RBM33: variants seen among roughly 807,000 people sequenced by gnomAD.
RBM33 encodes the protein RNA binding motif protein 33, also known as RNA-binding protein 33.
In RBM33, 28 loss-of-function variants were observed where a neutral mutation model predicts 132.6. That is an observed-to-expected ratio of 0.21 (90% CI 0.16 to 0.29). The LOEUF is 0.29. RBM33 is among the 10% of genes least tolerant of loss of function. The pLI is 1.00. For missense variants in RBM33, 1,291 were observed against 1,518.5 expected (o/e 0.85, Z 2.49); for synonymous variants, 634 against 593.0 (o/e 1.07, Z -1.01).
chr7:155,659,624 C>T (rs1205328753), intron 1 of RBM33, among the ~76,000 whole-genome samples: 1 of 152,102 alleles, frequency 6.6e-6, no homozygotes, highest in Non-Finnish European at 1.5e-5. Flanking sequence ...CTTATATACA[C>T]ATAGGAGACC....
chr7:155,714,144 G>A (rs1440411870), intron 8 of RBM33, among the ~76,000 whole-genome samples: 4 of 152,104 alleles, frequency 2.6e-5, no homozygotes, highest in South Asian at 2.1e-4. Flanking sequence ...GGTGAGGGCA[G>A]TCAGCATGGT....
chr7:155,741,998 C>T lies in RBM33; in HGVS notation c.2229C>T (p.Pro743=). The change falls in exon 13 of 18, where the codon CCC becomes CCT. Residue 743 remains proline (P), a synonymous_variant. Transcript: ENST00000401878. ...QVKPIVSASP[P]SRAVAGSRSS... is the part of the protein sequence containing the mutation. Reference sequence around the variant, plus strand: ...AACCTATCGTCAGCGCGTCACCACCCTCGCGGGCCGTGGCGGGTTCCAGAA... The same window carrying T: ...AACCTATCGTCAGCGCGTCACCACCTTCGCGGGCCGTGGCGGGTTCCAGAA... 1.2e-6 allele frequency: 2 copies of T among 1,614,042 alleles called. No homozygotes were observed. The highest frequency in any genetic ancestry group is 1.7e-6 in the Non-Finnish European group (2 of 1,179,912).
At chr7:155,673,764 G>T (rs865872338) in intron 3 of RBM33, among the ~76,000 whole-genome samples, 1 of 17,238 alleles carries the variant, frequency 5.8e-5, no homozygotes, top group Admixed American at 3.7e-4. Context: ...ACGCGCGCAT[G>T]CGCGCACACA....
In RBM33 at chr7:155,745,430, C is replaced by T. The variant is rs1474906866; in HGVS notation, c.2807C>T (p.Ala936Val). 1 of 1,613,734 alleles carries T rather than the reference C, an allele frequency of 6.2e-7. No individual in the cohort carries two copies. Among genetic ancestry groups the T allele is most frequent in the African/African-American group, 1.3e-5 (1 of 74,916 alleles). The change falls in exon 14 of 18, where the codon GCA (alanine) becomes GTA (valine). Residue 936 changes from alanine to valine, a missense_variant. Coordinates refer to ENST00000401878, the MANE Select transcript of RBM33 (RefSeq NM_053043.3). The surrounding 1 kb of genome is among the most constrained non-coding windows in gnomAD (Gnocchi z 4.1). ...CATAAAGTGCTCCCGATCAAACCTG[C>T]AGATGTGGAGGAGCCAGCTGTCCCC... ...PLHKVLPIKP[A>V]DVEEPAVPQT...
At chr7:155,744,198 C>T (rs1056066941) in intron 13 of RBM33, among the ~76,000 whole-genome samples, 4 of 152,126 alleles carry the variant, frequency 2.6e-5, no homozygotes, top group Non-Finnish European at 5.9e-5. Flanking sequence ...TTATTTTACA[C>T]GGAGTCTGTG....
chr7:155,739,936 T>C lies in RBM33; in HGVS notation c.1959T>C (p.Ser653=), dbSNP rs1158477095. The C allele has an allele frequency of 9.7e-6, 15 of 1,553,002 alleles. No homozygotes were observed. The highest frequency in any genetic ancestry group is 1.3e-5 in the Non-Finnish European group (15 of 1,148,030). The change falls in exon 12 of 18, where the codon TCT becomes TCC. Residue 653 remains serine, a synonymous_variant. Transcript: ENST00000401878. The stretch of plus-strand genomic sequence containing the variant: ...CGCCCCCTCCTTTGATGCCGATGTC[T>C]CAGCCACAGTTCCGGCCTCACGTAC... ...SVPPPPLMPM[S]QPQFRPHVQT...
chr7:155,662,863 G>C (rs77470137), intron 1 of RBM33, among the ~76,000 whole-genome samples: 5,669 of 152,308 alleles, frequency 0.037, 346 homozygotes, highest in African/African-American at 0.13. Context: ...TGGGAGCTGA[G>C]TGGGGAGGGC....
intron 5 of RBM33, among the ~76,000 whole-genome samples, chr7:155,687,613 T>C (rs527944182): frequency 6.6e-6 from 1 of 152,364 alleles, no homozygotes; most frequent in South Asian, 2.1e-4. Flanking sequence ...GTTTTAGGTC[T>C]AACATGTAAG....
chr7:155,748,830 G>A (rs142946782), intron 14 of RBM33, among the ~76,000 whole-genome samples: 1 of 152,152 alleles, frequency 6.6e-6, no homozygotes, highest in East Asian at 1.9e-4. Context: ...AAAGAGATGA[G>A]CAGCATGATT....
intron 12 of RBM33, among the ~76,000 whole-genome samples, chr7:155,741,048 T>TAA (rs1326256701): frequency 1.3e-5 from 2 of 152,172 alleles, no homozygotes; most frequent in African/African-American, 4.8e-5. Context: ...CTTTCTTTCT[T>TAA]AAAGTAAACA....
intron 9 of RBM33, among the ~76,000 whole-genome samples, chr7:155,726,591 C>T (rs944736192): frequency 4.6e-5 from 7 of 152,128 alleles, no homozygotes; most frequent in Non-Finnish European, 7.4e-5. Flanking sequence ...GGTAGAATTA[C>T]GTTAGTACTA....
At chr7:155,740,926 G>A (rs1041504014) in intron 12 of RBM33, among the ~76,000 whole-genome samples, 3 of 152,230 alleles carry the variant, frequency 2.0e-5, no homozygotes, top group Admixed American at 2.0e-4. Context: ...AGTGTGGTCA[G>A]TGGTCAGGGT....
intron 14 of RBM33, among the ~76,000 whole-genome samples, chr7:155,747,732 C>T (rs1000610608): frequency 2.6e-5 from 4 of 152,230 alleles, no homozygotes; most frequent in African/African-American, 9.6e-5. Flanking sequence ...AACTAGCCCA[C>T]ATGTTCGTAT....
At chr7:155,656,414 T>C (rs1203001234) in intron 1 of RBM33, among the ~76,000 whole-genome samples, 1 of 152,228 alleles carries the variant, frequency 6.6e-6, no homozygotes, top group African/African-American at 2.4e-5. Context: ...AGATTCTGCA[T>C]TGCAGCCAGT....
At chr7:155,726,265 G>A (rs553577240) in intron 9 of RBM33, among the ~76,000 whole-genome samples, 1 of 152,178 alleles carries the variant, frequency 6.6e-6, no homozygotes, top group South Asian at 2.1e-4. Context: ...CCCTTTTAGG[G>A]AAGCTGATAA....
At chr7:155,719,496 G>A (rs1800560424) in intron 9 of RBM33, among the ~76,000 whole-genome samples, 1 of 152,260 alleles carries the variant, frequency 6.6e-6, no homozygotes, top group African/African-American at 2.4e-5. Context: ...GGTTTCTAAA[G>A]CTGGTTCTTC....
chr7:155,733,012 C>T (rs780753800), intron 9 of RBM33, among the ~76,000 whole-genome samples: 1 of 152,142 alleles, frequency 6.6e-6, no homozygotes, highest in African/African-American at 2.4e-5. Context: ...CTGTGTCAGG[C>T]GTCTCCTGAT....
intron 7 of RBM33, among the ~76,000 whole-genome samples, chr7:155,708,239 C>T (rs1389204662): frequency 2.0e-5 from 3 of 152,216 alleles, no homozygotes; most frequent in African/African-American, 7.2e-5. Flanking sequence ...TAGGCATACA[C>T]AATTTGATGA....
At chr7:155,732,330 TTTAAGGG>T (rs1800979025) in intron 9 of RBM33, among the ~76,000 whole-genome samples, 1 of 152,192 alleles carries the variant, frequency 6.6e-6, no homozygotes, top group South Asian at 2.1e-4. Flanking sequence ...AATAAAAAAG[TTTAAGGG>T]TTAAGTGGAA....
Sources: gnomAD v4.1 joint callset for allele counts (sites outside exome capture counted in the v4.1 genomes callset) on GRCh38, gnomAD v4.1.1 for gene constraint, Gnocchi (gnomAD v3.1) non-coding constraint, MANE v1.5 for transcripts, NCBI Gene and HGNC (gene_info 2026-07-23, HGNC 2026-07-21) for gene names.